Variants in MUC5B observed in about 807,000 individuals in gnomAD.
The protein encoded by MUC5B is mucin-5B.
A neutral mutation model predicts 376.9 loss-of-function variants in MUC5B; 116 were observed. The observed-to-expected ratio is 0.31, with a 90% CI of 0.26 to 0.36. The LOEUF (loss-of-function observed/expected upper bound fraction) is 0.36, where lower values mean the gene tolerates loss of function less well. Ranked by LOEUF, MUC5B falls within the 10% of genes least tolerant of loss-of-function variation. The pLI is 1.00. For synonymous variants in MUC5B, 3,517 were observed against 3,390.9 expected (o/e 1.04, Z -1.29); for missense variants, 7,165 against 7,769.9 (o/e 0.92, Z 2.93).
chr11:1,234,955 C>T lies in MUC5B; in HGVS notation c.2631-130C>T, dbSNP rs919073094. ...ACAGTGGGGGACACCACTTCTTCCACGGAGGAGGGGTCAGGCTGGGCCTGG... is the reference window on the plus strand; with the variant it reads ...ACAGTGGGGGACACCACTTCTTCCATGGAGGAGGGGTCAGGCTGGGCCTGG... On this transcript the variant is annotated intron_variant, in intron 21 of 48. Transcript: ENST00000529681. The surrounding 1 kb of genome is among the most constrained non-coding windows in gnomAD (Gnocchi z 6.3). 47 of 1,299,434 alleles carry T rather than the reference C, an allele frequency of 3.6e-5. No homozygotes were observed. In the South Asian group the frequency reaches 4.0e-4, roughly 11 times the overall value. The allele number at this position is 1,299,434 out of a possible 1,614,324, so 80.5% of individuals were successfully genotyped here.
In MUC5B at chr11:1,255,303, G is replaced by A. The variant is rs369162298; in HGVS notation, c.15890+37G>A. The A allele has an allele frequency of 5.5e-5, 83 of 1,505,810 alleles. 1 individual carries two copies. Among genetic ancestry groups the A allele is most frequent in the East Asian group, 9.9e-5 (4 of 40,398 alleles). 93.3% of individuals were successfully genotyped at this position (1,505,810 alleles called of 1,614,324 possible). ...CCTCGGGGGTTGCAGGCCCTGGGGC[G>A]CCCCCGCCCGCCCGCATGCACGCAC... On this transcript the variant is annotated intron_variant, in intron 36 of 48. Coordinates refer to ENST00000529681, the MANE Select transcript of MUC5B (RefSeq NM_002458.3).
chr11:1,235,265 C>T, intron 22 of MUC5B, 38 bp from the exon 23 acceptor site: 1 of 1,610,846 alleles, frequency 6.2e-7, no homozygotes, highest in South Asian at 1.1e-5. Flanking sequence ...CGGGCACACT[C>T]CAGCCCGCGG....
intron 25 of MUC5B, among the ~76,000 whole-genome samples, chr11:1,237,779 G>A (rs1489889967): frequency 6.6e-6 from 1 of 152,230 alleles, no homozygotes; most frequent in African/African-American, 2.4e-5. Flanking sequence ...TGAGGCAGGA[G>A]AATCACTTGA....
Position 1,229,372 on chromosome 11 carries a change from C to T in MUC5B, c.1102+77C>T, listed in dbSNP as rs553770495. 26 of 1,434,216 alleles carry T rather than the reference C, an allele frequency of 1.8e-5. No homozygotes were observed. The African/African-American group carries it at 2.5e-4, about 14-fold the overall frequency. The allele number at this position is 1,434,216 out of a possible 1,614,324, so 88.8% of individuals were successfully genotyped here. A position where few individuals can be genotyped will look rare whatever the true frequency, so the allele number is the denominator to read the frequency against. ...CAACCCCGCCCCCAGCCTCATCAGG[C>T]GTGGAAGCAGAGCCCCTCATGCCAG... On this transcript the variant is annotated intron_variant, in intron 9 of 48. Coordinates refer to ENST00000529681, the MANE Select transcript of MUC5B (RefSeq NM_002458.3).
chr11:1,257,600 A>G lies in MUC5B; in HGVS notation c.16340A>G (p.Lys5447Arg). 1 of 1,605,570 alleles carries G rather than the reference A, an allele frequency of 6.2e-7. No individual in the cohort carries two copies. The highest frequency in any genetic ancestry group is 8.5e-7 in the Non-Finnish European group (1 of 1,179,608). The change falls in exon 41 of 49, where the codon AAG becomes AGG. Residue 5447 changes from lysine (K) to arginine (R), a missense_variant. By Grantham distance (26) the Lys-to-Arg change is conservative. Around this residue, in one of 31 missense-constraint regions of MUC5B, gnomAD observed 842 missense variants for 1,016.9 expected, o/e 0.83. Coordinates refer to ENST00000529681, the MANE Select transcript of MUC5B (RefSeq NM_002458.3). The surrounding 1 kb of genome is among the most constrained non-coding windows in gnomAD (Gnocchi z 8.9). ...GAGGGTTCAGTGTCGGTGCAGTGCA[A>G]GCCCCTGCCCTGTGACGCCCAGGGT... ...CDEGSVSVQC[K>R]PLPCDAQGQP...
At position 1,239,424 on chromosome 11, in the gene MUC5B, C is replaced by T. The variant is rs779707494; in HGVS notation, c.3455-14C>T. On this transcript the variant is annotated splice_polypyrimidine_tract_variant and intron_variant, in intron 26 of 48. Coordinates refer to ENST00000529681, the MANE Select transcript of MUC5B (RefSeq NM_002458.3). ...TGGTGGGCGCCTCCTTAGCCTCTGC[C>T]CTCTGTGCCCCAGCCTTGTTCTGTG... is the stretch of plus-strand genomic sequence containing the variant. 1.2e-6 allele frequency: 2 copies of T among 1,604,170 alleles called. No homozygotes were observed. Among genetic ancestry groups the T allele is most frequent in the Non-Finnish European group, 1.7e-6 (2 of 1,173,832 alleles).
At position 1,253,639 on chromosome 11, in the gene MUC5B, G is replaced by A. The variant is rs1306003579; in HGVS notation, c.15218-453G>A. On this transcript the variant is annotated intron_variant, in intron 33 of 48. Transcript: ENST00000529681. The surrounding 1 kb of genome is among the most constrained non-coding windows in gnomAD (Gnocchi z 4.3). The stretch of plus-strand genomic sequence containing the variant: ...GCAGGGGATAGACTCCCTGCTGAGG[G>A]TCTGGGGAGGTCCTTCCTGCCTCTC... Among the ~76,000 whole-genome samples the A allele has an allele frequency of 1.3e-5, 2 of 152,152 alleles. No homozygotes were observed. The highest frequency in any genetic ancestry group is 4.8e-5 in the African/African-American group (2 of 41,430).
chr11:1,230,211 G>T, intron 11 of MUC5B, 68 bp downstream of exon 11: 1 of 1,518,890 alleles, frequency 6.6e-7, no homozygotes, highest in Non-Finnish European at 8.8e-7. Context: ...CTTCCACCCA[G>T]GGGAGGCCCC....
In MUC5B at chr11:1,258,674, C is replaced by A. The variant is rs943633709; in HGVS notation, c.16594-268C>A. On this transcript the variant is annotated intron_variant, in intron 43 of 48. Coordinates refer to ENST00000529681, the MANE Select transcript of MUC5B (RefSeq NM_002458.3). This position sits in a 1 kb window ranked among gnomAD's most constrained non-coding sequence, Gnocchi z 5.5. ...GCCCAGATTCCTACCCGCCCGGATT[C>A]CTGCCTGCCAGATTCCTGCCCCCAT... is the stretch of plus-strand genomic sequence containing the variant. Among the ~76,000 whole-genome samples the A allele has an allele frequency of 6.6e-6, 1 of 152,078 alleles. No homozygotes were observed. Among genetic ancestry groups the A allele is most frequent in the African/African-American group, 2.4e-5 (1 of 41,390 alleles).
Position 1,246,371 on chromosome 11 carries a change from T to C in MUC5B, c.9491T>C (p.Leu3164Pro), listed in dbSNP as rs752498398. ...PSSTPGTTWI[L>P]TEPSTTATVT... Reference sequence around the variant, plus strand: ...TCCACCCCAGGGACCACCTGGATCCTCACAGAGCCCAGCACTACAGCCACC... The same window carrying C: ...TCCACCCCAGGGACCACCTGGATCCCCACAGAGCCCAGCACTACAGCCACC... The change falls in exon 31 of 49, where the codon CTC becomes CCC. Residue 3164 changes from leucine (L) to proline (P), a missense_variant. Leu to Pro is a moderately conservative substitution (Grantham distance 98, BLOSUM62 -3). Transcript: ENST00000529681. 2.0e-5 allele frequency: 33 copies of C among 1,612,056 alleles called. No individual in the cohort carries two copies. The Admixed American group carries it at 2.8e-4, about 14-fold the overall frequency.
Position 1,250,080 on chromosome 11 carries a change from T to C in MUC5B, c.13200T>C (p.Thr4400=). Reference sequence around the variant, plus strand: ...TCACAGAGCTGACCACAGCAGCCACTACAACTGCAGCCACTGGCCCCACGG... The same window carrying C: ...TCACAGAGCTGACCACAGCAGCCACCACAACTGCAGCCACTGGCCCCACGG... The part of the protein sequence containing the change: ...WILTELTTAA[T]TTAATGPTAT... Residue 4400 remains threonine (T), a synonymous_variant, in exon 31 of 49, where the codon ACT becomes ACC. Coordinates refer to ENST00000529681, the MANE Select transcript of MUC5B (RefSeq NM_002458.3). 3 of 1,588,744 alleles carry C rather than the reference T, an allele frequency of 1.9e-6. No individual in the cohort carries two copies. The highest frequency in any genetic ancestry group is 2.6e-6 in the Non-Finnish European group (3 of 1,167,958).
intron 3 of MUC5B, 36 bp downstream of exon 3, chr11:1,226,312 G>T (rs1385720613): frequency 1.3e-6 from 2 of 1,544,880 alleles, no homozygotes; most frequent in South Asian, 2.4e-5. Context: ...CGGGAAGGGG[G>T]TGTTTGCCAG....
rs752188250 is a variant in MUC5B, at chr11:1,257,710, G to A, written c.16450G>A (p.Val5484Met). The stretch of plus-strand genomic sequence containing the variant: ...CCCCTGCTGCCCCGAGACGGTGTGC[G>A]GTAAGACGCTGCAGAGCAGAGGTGC... ...ENPCCPETVC[V>M]CNTTTCPQSL... The change falls in exon 41 of 49, where the codon GTG becomes ATG. Residue 5484 changes from valine to methionine, a missense_variant and splice_region_variant. Physicochemically the swap from Val to Met is conservative, Grantham distance 21 (BLOSUM62 1). This residue lies in a region of MUC5B where 842 missense variants were observed against 1,016.9 expected (regional missense o/e 0.83). Transcript: ENST00000529681. The surrounding 1 kb of genome is among the most constrained non-coding windows in gnomAD (Gnocchi z 8.9). 2 of 1,548,124 alleles carry A rather than the reference G, an allele frequency of 1.3e-6. No homozygotes were observed. Among genetic ancestry groups the A allele is most frequent in the Non-Finnish European group, 1.7e-6 (2 of 1,153,558 alleles).
Position 1,257,296 on chromosome 11 carries a change from C to T in MUC5B, c.16269+25C>T, listed in dbSNP as rs1295064540. ...TGTGAGTGGCTCCACCCCCACCTGCCCTACCCCACCCTCTCGCGAGCTGAG... is the reference window on the plus strand; with the variant it reads ...TGTGAGTGGCTCCACCCCCACCTGCTCTACCCCACCCTCTCGCGAGCTGAG... On this transcript the variant is annotated intron_variant, in intron 40 of 48. Coordinates refer to ENST00000529681, the MANE Select transcript of MUC5B (RefSeq NM_002458.3). The surrounding 1 kb of genome is among the most constrained non-coding windows in gnomAD (Gnocchi z 8.9). 1.3e-6 allele frequency: 1 copy of T among 783,756 alleles called. No homozygotes were observed. Among genetic ancestry groups the T allele is most frequent in the African/African-American group, 1.7e-5 (1 of 59,322 alleles). 48.6% of individuals were successfully genotyped at this position (783,756 alleles called of 1,614,324 possible).
At chr11:1,251,772 C>A in intron 31 of MUC5B, 29 bp downstream of exon 31, 1 of 1,467,308 alleles carries the variant, frequency 6.8e-7, no homozygotes, top group Non-Finnish European at 9.4e-7. Context: ...CACTGCTGTA[C>A]CCTTTCCCCA....
Position 1,245,920 on chromosome 11 carries a change from T to G in MUC5B, c.9040T>G (p.Ser3014Ala). The part of the protein sequence containing the change: ...ATTGSTAIPS[S>A]TPGTAPPPKV... ...CACTGGATCCACGGCCATCCCGTCC[T>G]CCACCCCGGGAACAGCTCCCCCTCC... is the stretch of plus-strand genomic sequence containing the variant. Residue 3014 changes from serine to alanine, a missense_variant, in exon 31 of 49, where the codon TCC becomes GCC. By Grantham distance (99) the Ser-to-Ala change is moderately conservative. Around this residue, in one of 31 missense-constraint regions of MUC5B, gnomAD observed 939 missense variants for 770.6 expected, o/e 1.22. Coordinates refer to ENST00000529681, the MANE Select transcript of MUC5B (RefSeq NM_002458.3). 1 of 1,612,288 alleles carries G rather than the reference T, an allele frequency of 6.2e-7. No individual in the cohort carries two copies. Among genetic ancestry groups the G allele is most frequent in the Non-Finnish European group, 8.5e-7 (1 of 1,179,604 alleles).
chr11:1,261,317 T>C (rs1862989448), intron 48 of MUC5B, 72 bp from the exon 49 acceptor site: 5 of 1,366,612 alleles, frequency 3.7e-6, no homozygotes, highest in South Asian at 1.3e-5. Flanking sequence ...CAGAGGCCCA[T>C]GTGTCACCAT....
At chr11:1,239,614 G>C in intron 27 of MUC5B, 48 bp downstream of exon 27, 1 of 1,532,938 alleles carries the variant, frequency 6.5e-7, no homozygotes, top group Non-Finnish European at 8.8e-7. Flanking sequence ...TTGGGTTCCC[G>C]AGTGTACGTG....
chr11:1,250,361 A>C lies in MUC5B; in HGVS notation c.13481A>C (p.Lys4494Thr), dbSNP rs201038498. 1 of 1,612,518 alleles carries C rather than the reference A, an allele frequency of 6.2e-7. No individual in the cohort carries two copies. Among genetic ancestry groups the C allele is most frequent in the South Asian group, 1.1e-5 (1 of 91,020 alleles). ...ACGACACCCACAGTCACCAGCTCCA[A>C]AGCCACTCCCTCCTCCAGTCCAGGG... ...TATTPTVTSSKATPSSSPGTA... is the reference protein window; with the variant it reads ...TATTPTVTSSTATPSSSPGTA... Residue 4494 changes from lysine (K) to threonine (T), a missense_variant, in exon 31 of 49, where the codon AAA (lysine) becomes ACA (threonine). By Grantham distance (78) the Lys-to-Thr change is moderately conservative (BLOSUM62 -1). This residue lies in a region of MUC5B where 431 missense variants were observed against 390.4 expected (regional missense o/e 1.10). Coordinates refer to ENST00000529681, the MANE Select transcript of MUC5B (RefSeq NM_002458.3).
Sources: allele counts gnomAD v4.1 joint callset (sites outside exome capture counted in the v4.1 genomes callset), GRCh38; gene constraint gnomAD v4.1.1; regional missense constraint gnomAD v4.1.1; non-coding constraint Gnocchi (gnomAD v3.1); transcripts MANE v1.5; gene names NCBI Gene and HGNC (gene_info 2026-07-23, HGNC 2026-07-21).